Variants in EDDM13 observed in about 807,000 individuals in gnomAD.
The protein encoded by EDDM13 is epididymal protein 13.
EDDM13 carries 24 observed loss-of-function variants against 17.8 expected under a neutral mutation model. The ratio of observed to expected loss-of-function variants is 1.35; its 90% CI spans 0.98 to 1.90. EDDM13 has a LOEUF of 1.90. Ranked by LOEUF, EDDM13 falls within the 40% of genes most tolerant of loss-of-function variation. The pLI is 0.00. For missense variants in EDDM13, 97 were observed against 100.8 expected (o/e 0.96, Z 0.16); for synonymous variants, 31 against 37.5 (o/e 0.83, Z 0.63).
chr19:56,285,686 G>A (rs569125576), intron 6 of EDDM13, among the ~76,000 whole-genome samples: 42 of 151,816 alleles, frequency 2.8e-4, no homozygotes, highest in South Asian at 1.0e-3. Context: ...TCACTATGTC[G>A]GCCAGGCTGG....
rs553878628 is a variant in EDDM13, at chr19:56,301,768, TC to T, written c.296-198del. 1.7e-3 allele frequency among the ~76,000 whole-genome samples: 265 copies of T among 151,984 alleles called. 1 individual carries two copies. Among genetic ancestry groups the T allele is most frequent in the Non-Finnish European group, 3.3e-3 (221 of 67,948 alleles). On this transcript the variant is annotated intron_variant, in intron 12 of 14. Coordinates refer to ENST00000649256, the MANE Select transcript of EDDM13 (RefSeq NM_001354658.2). ...GTGAGGTGGGAGAGCCAAAAGGCAT[TC>T]CTGACTGTTTGTCTGGAGTATGGTG...
intron 2 of EDDM13, among the ~76,000 whole-genome samples, chr19:56,277,532 T>C (rs13339749): frequency 0.12 from 16,156 of 133,690 alleles, 1,829 homozygotes; most frequent in African/African-American, 0.32. Context: ...TTCCAGGGGG[T>C]GAGGGGTGGG....
At chr19:56,282,393 A>T (rs1384954270) in intron 3 of EDDM13, 98 bp from the exon 4 acceptor site, 13 of 713,656 alleles carry the variant, frequency 1.8e-5, no homozygotes, top group Admixed American at 6.3e-5. Context: ...ACCAAGGATG[A>T]CTTAATTCCT....
intron 4 of EDDM13, 56 bp downstream of exon 4, chr19:56,282,555 G>C (rs142214733): frequency 4.1e-6 from 4 of 973,554 alleles, no homozygotes; most frequent in East Asian, 2.3e-4. Flanking sequence ...TTGTCCAAAA[G>C]GGATCATTGC....
intron 2 of EDDM13, among the ~76,000 whole-genome samples, 157 bp from the exon 3 acceptor site, chr19:56,281,536 G>A (rs932839304): frequency 8.5e-5 from 13 of 152,070 alleles, no homozygotes; most frequent in African/African-American, 3.1e-4. Context: ...TATAAAGATC[G>A]CACTCCATAT....
At chr19:56,285,282 C>T (rs1600184859) in intron 6 of EDDM13, among the ~76,000 whole-genome samples, 1 of 152,134 alleles carries the variant, frequency 6.6e-6, no homozygotes, top group Non-Finnish European at 1.5e-5. Flanking sequence ...GGGAAAATAT[C>T]GAGGAAACAT....
At chr19:56,288,193 A>G (rs2039266753) in intron 6 of EDDM13, among the ~76,000 whole-genome samples, 192 bp from the exon 7 acceptor site, 1 of 152,144 alleles carries the variant, frequency 6.6e-6, no homozygotes, top group African/African-American at 2.4e-5. Flanking sequence ...ACTGAGCTCC[A>G]GATACTCTCC....
intron 12 of EDDM13, among the ~76,000 whole-genome samples, chr19:56,301,155 A>T (rs62124379): frequency 0.41 from 62,183 of 152,066 alleles, 14,478 homozygotes; most frequent in Non-Finnish European, 0.53. Context: ...AGTGAAAGCA[A>T]GTTTATTAAG....
chr19:56,301,988 A>G lies in EDDM13; in HGVS notation c.316A>G (p.Thr106Ala), dbSNP rs2040264534. The G allele has an allele frequency of 1.6e-6, 2 of 1,231,960 alleles. No homozygotes were observed. Among genetic ancestry groups the G allele is most frequent in the East Asian group, 6.3e-5 (2 of 31,688 alleles). 76.3% of individuals were successfully genotyped at this position (1,231,960 alleles called of 1,614,324 possible). ...TCCAGTTAAACCCTTCTCAGGCACC[A>G]CCCCATCCAGGAAACCACTCCCCAA... ...KEEVKPFSGT[T>A]PSRKPLPKRK... is the part of the protein sequence containing the mutation. Residue 106 changes from threonine to alanine, a missense_variant, in exon 13 of 15, where the codon ACC becomes GCC. By Grantham distance (58) the Thr-to-Ala change is moderately conservative. Coordinates refer to ENST00000649256, the MANE Select transcript of EDDM13 (RefSeq NM_001354658.2).
At chr19:56,288,708 G>A (rs1424486022) in intron 7 of EDDM13, among the ~76,000 whole-genome samples, 166 bp from the exon 8 acceptor site, 2 of 152,180 alleles carry the variant, frequency 1.3e-5, no homozygotes, top group African/African-American at 2.4e-5. Context: ...CCCGTAAAAT[G>A]AGTGAATTGG....
At chr19:56,307,263 T>A (rs1340606974) in intron 14 of EDDM13, among the ~76,000 whole-genome samples, 1 of 152,194 alleles carries the variant, frequency 6.6e-6, no homozygotes, top group Non-Finnish European at 1.5e-5. Flanking sequence ...CCCAGTGCCC[T>A]TTTTACATTA....
intron 12 of EDDM13, among the ~76,000 whole-genome samples, chr19:56,298,395 TG>T (rs2040016455): frequency 6.6e-6 from 1 of 152,114 alleles, no homozygotes; most frequent in Admixed American, 6.5e-5. Flanking sequence ...CCCAGCATTC[TG>T]GGAGGCCGAG....
intron 3 of EDDM13, among the ~76,000 whole-genome samples, chr19:56,282,077 T>C (rs989927195): frequency 2.0e-5 from 3 of 152,090 alleles, no homozygotes; most frequent in African/African-American, 4.8e-5. Context: ...ATTGTGTGTA[T>C]TTATTGGTGG....
intron 14 of EDDM13, among the ~76,000 whole-genome samples, chr19:56,306,355 A>G (rs1478203093): frequency 1.7e-5 from 2 of 118,910 alleles, no homozygotes; most frequent in Non-Finnish European, 3.7e-5. Flanking sequence ...GATAGCTACA[A>G]AGAGGCTCCT....
chr19:56,304,190 C>A (rs1004666853), intron 13 of EDDM13, among the ~76,000 whole-genome samples: 12 of 152,174 alleles, frequency 7.9e-5, no homozygotes, highest in African/African-American at 2.9e-4. Context: ...CCAGCCAGCG[C>A]AGGGGACCTG....
At chr19:56,278,999 A>G (rs1335661064) in intron 2 of EDDM13, among the ~76,000 whole-genome samples, 1 of 152,180 alleles carries the variant, frequency 6.6e-6, no homozygotes. Flanking sequence ...TATCCTCCAG[A>G]AACACCTTCA....
At chr19:56,293,120 G>T (rs74634926) in intron 9 of EDDM13, among the ~76,000 whole-genome samples, 1,963 of 152,250 alleles carry the variant, frequency 0.013, 47 homozygotes, top group African/African-American at 0.045. Flanking sequence ...TTGAGCCTCA[G>T]TGAAACCCAA....
chr19:56,277,574 G>C (rs1048353262), intron 2 of EDDM13, among the ~76,000 whole-genome samples: 1 of 152,062 alleles, frequency 6.6e-6, no homozygotes, highest in South Asian at 2.1e-4. Flanking sequence ...AGGGGTTCAG[G>C]GTTTATTTTG....
chr19:56,295,003 AGTGACT>A (rs1409966366), intron 9 of EDDM13: 1 of 152,186 alleles, frequency 6.6e-6, no homozygotes, highest in Non-Finnish European at 1.5e-5. Context: ...AGAGATGGGG[AGTGACT>A]GCTCAGGGGC....
Sources: gnomAD v4.1 joint callset for allele counts (sites outside exome capture counted in the v4.1 genomes callset) on GRCh38, gnomAD v4.1.1 for gene constraint, MANE v1.5 for transcripts, NCBI Gene and HGNC (gene_info 2026-07-23, HGNC 2026-07-21) for gene names.